The following R3HDM1 variants were observed in gnomAD, a reference collection of about 807,000 sequenced individuals.
R3HDM1 encodes R3H domain-containing protein 1.
R3HDM1 carries 46 observed loss-of-function variants against 141.1 expected under a neutral mutation model. The observed-to-expected ratio is 0.33, with a 90% CI of 0.26 to 0.42. The LOEUF (loss-of-function observed/expected upper bound fraction) is 0.42. R3HDM1 is among the 10% of genes least tolerant of loss of function. The probability of loss-of-function intolerance (pLI) is 1.00; values close to 1 mark genes in which losing one functional copy is unlikely to be tolerated. For synonymous variants in R3HDM1, 435 were observed against 472.9 expected, an observed-to-expected ratio of 0.92 and a Z score of 1.04; for missense variants, 1,184 against 1,368.3, an observed-to-expected ratio of 0.87 and a Z score of 2.12.
At chr2:135,690,539 A>T (rs563843312) in intron 21 of R3HDM1, among the ~76,000 whole-genome samples, 73 of 152,296 alleles carry the variant, frequency 4.8e-4, no homozygotes, top group Non-Finnish European at 8.8e-4. Flanking sequence ...GCAAACCAAT[A>T]TACCCTACAG....
intron 21 of R3HDM1, among the ~76,000 whole-genome samples, chr2:135,690,023 C>G (rs2072066804): frequency 6.6e-6 from 1 of 152,058 alleles, no homozygotes; most frequent in South Asian, 2.1e-4. Flanking sequence ...AGACTATAGC[C>G]TTTTTTTAAG....
chr2:135,681,507 G>C (rs945256155), intron 21 of R3HDM1, among the ~76,000 whole-genome samples: 2 of 152,174 alleles, frequency 1.3e-5, no homozygotes, highest in Non-Finnish European at 2.9e-5. Flanking sequence ...ATTTAAAGTA[G>C]GGTGGTCTAA....
chr2:135,650,567 A>G, intron 17 of R3HDM1: 1 of 981,968 alleles, frequency 1.0e-6, no homozygotes, highest in Non-Finnish European at 1.2e-6. Context: ...TGACTCTGAG[A>G]GTGGTATACA....
At chr2:135,619,238 A>G (rs1025968328) in intron 5 of R3HDM1, among the ~76,000 whole-genome samples, 3 of 152,190 alleles carry the variant, frequency 2.0e-5, no homozygotes, top group Non-Finnish European at 4.4e-5. Context: ...GAGGAAGCGT[A>G]TACTTTTTGA....
intron 19 of R3HDM1, 75 bp downstream of exon 19, chr2:135,661,468 A>T: frequency 6.5e-7 from 1 of 1,529,406 alleles, no homozygotes. Flanking sequence ...TGCTCTTAAG[A>T]TAGTACCTAC....
chr2:135,638,498 C>A, intron 11 of R3HDM1, 120 bp from the exon 12 acceptor site: 1 of 1,021,920 alleles, frequency 9.8e-7, no homozygotes, highest in Non-Finnish European at 1.4e-6. Flanking sequence ...TTTGTGTACC[C>A]TTATCACCAT....
chr2:135,637,498 A>G (rs2063373559), intron 11 of R3HDM1, among the ~76,000 whole-genome samples: 1 of 152,112 alleles, frequency 6.6e-6, no homozygotes, highest in Admixed American at 6.5e-5. Context: ...TCTACAAAAA[A>G]TTAGCCAGGC....
intron 1 of R3HDM1, among the ~76,000 whole-genome samples, chr2:135,553,248 C>T (rs976596382): frequency 6.6e-6 from 1 of 152,146 alleles, no homozygotes; most frequent in African/African-American, 2.4e-5. Flanking sequence ...TTGAAAGAGT[C>T]TTTCTGAACT....
chr2:135,693,584 G>A (rs534868579), intron 21 of R3HDM1, among the ~76,000 whole-genome samples: 8 of 152,198 alleles, frequency 5.3e-5, no homozygotes, highest in Non-Finnish European at 1.0e-4. Context: ...AAAGTAAAAA[G>A]GACTCTTAAG....
intron 7 of R3HDM1, among the ~76,000 whole-genome samples, chr2:135,623,519 A>G (rs557803592): frequency 2.1e-4 from 32 of 152,314 alleles, no homozygotes; most frequent in Non-Finnish European, 3.4e-4. Flanking sequence ...ATTCAGTACT[A>G]TCTTGATTTT....
At chr2:135,554,450 T>C (rs576298545) in intron 1 of R3HDM1, among the ~76,000 whole-genome samples, 5 of 152,372 alleles carry the variant, frequency 3.3e-5, no homozygotes, top group Admixed American at 6.5e-5. Context: ...TTGGTTATTG[T>C]GAGCATCACT....
At chr2:135,650,029 C>T (rs1461833894) in intron 17 of R3HDM1, 26 bp downstream of exon 17, 2 of 1,207,250 alleles carry the variant, frequency 1.7e-6, no homozygotes, top group Non-Finnish European at 1.1e-6. Flanking sequence ...TCACCTCCTG[C>T]GTTGTTTCTG....
rs1553604095 is a variant in R3HDM1 at position 135,651,909 on chromosome 2, A to T, written c.1905A>T (p.Pro635=). Residue 635 remains proline (P), a synonymous_variant, in exon 18 of 27, where the codon CCA becomes CCT. Coordinates refer to ENST00000683871, the MANE Select transcript of R3HDM1 (RefSeq NM_001378107.1). Reference sequence around the variant, plus strand: ...ATCCTCCTCCACCGCCACCACCACCACCTCCTCCTCCTCCCCTACCACCTG... The same window carrying T: ...ATCCTCCTCCACCGCCACCACCACCTCCTCCTCCTCCTCCCCTACCACCTG... ...PPHPPPPPPP[P]PPPPPLPPGQ... The T allele has an allele frequency of 1.0e-5, 16 of 1,564,086 alleles. No homozygotes were observed. The highest frequency in any genetic ancestry group is 1.4e-5 in the Non-Finnish European group (16 of 1,145,030).
At chr2:135,619,935 G>T (rs894149797) in intron 5 of R3HDM1, among the ~76,000 whole-genome samples, 1 of 152,210 alleles carries the variant, frequency 6.6e-6, no homozygotes, top group South Asian at 2.1e-4. Flanking sequence ...TATTATTCCA[G>T]TTATTTATAG....
At chr2:135,632,090 A>T in intron 9 of R3HDM1, 89 bp downstream of exon 9, 1 of 1,094,742 alleles carries the variant, frequency 9.1e-7, no homozygotes, top group Non-Finnish European at 1.2e-6. Flanking sequence ...GGTTTTCCAC[A>T]TGTTTTAACA....
At chr2:135,587,464 C>G in intron 1 of R3HDM1, among the ~76,000 whole-genome samples, 1 of 152,114 alleles carries the variant, frequency 6.6e-6, no homozygotes, top group Non-Finnish European at 1.5e-5. Context: ...GGCCTTTTAT[C>G]AACGCTGAAT....
At chr2:135,607,942 G>A (rs2060216019) in intron 3 of R3HDM1, 17 of 983,628 alleles carry the variant, frequency 1.7e-5, no homozygotes, top group Non-Finnish European at 2.1e-5. Context: ...TTGGAAGGAG[G>A]GAAAAAGAGA....
At chr2:135,534,625 C>T (rs992889359) in intron 1 of R3HDM1, among the ~76,000 whole-genome samples, 1 of 152,202 alleles carries the variant, frequency 6.6e-6, no homozygotes, top group Non-Finnish European at 1.5e-5. Context: ...GGGTTCAAGA[C>T]AAGCTGCACC....
At chr2:135,551,956 A>G (rs1408599691) in intron 1 of R3HDM1, among the ~76,000 whole-genome samples, 3 of 152,234 alleles carry the variant, frequency 2.0e-5, no homozygotes, top group Non-Finnish European at 4.4e-5. Context: ...TGTATCATAA[A>G]TTAACATGAG....
Sources: gnomAD v4.1 joint callset for allele counts (sites outside exome capture counted in the v4.1 genomes callset) on GRCh38, gnomAD v4.1.1 for gene constraint, MANE v1.5 for transcripts, NCBI Gene and HGNC (gene_info 2026-07-23, HGNC 2026-07-21) for gene names.